MANBA: variants seen among roughly 807,000 people sequenced by gnomAD.
MANBA encodes mannosidase beta, also known as beta-mannosidase.
In MANBA, 83 loss-of-function variants were observed where a neutral mutation model predicts 111.1. The ratio of observed to expected loss-of-function variants is 0.75; its 90% confidence interval spans 0.63 to 0.90. The LOEUF is 0.90. Ranked by LOEUF, MANBA falls within the 40% of genes least tolerant of loss-of-function variation. MANBA has a pLI of 0.00. For synonymous variants in MANBA, 370 were observed against 378.7 expected, an observed-to-expected ratio of 0.98 and a Z score of 0.27; for missense variants, 1,036 against 1,069.0, an observed-to-expected ratio of 0.97 and a Z score of 0.43.
intron 12 of MANBA, among the ~76,000 whole-genome samples, chr4:102,654,440 A>T (rs892196055): frequency 4.6e-5 from 7 of 152,246 alleles, no homozygotes; most frequent in Admixed American, 4.6e-4. Flanking sequence ...TAAGGTTATG[A>T]CATCATTAAA....
At chr4:102,670,042 C>G (rs1731421441) in intron 9 of MANBA, among the ~76,000 whole-genome samples, 1 of 151,484 alleles carries the variant, frequency 6.6e-6, no homozygotes, top group Non-Finnish European at 1.5e-5. Context: ...GTAATCCCAG[C>G]TACTTGGTAG....
rs1427491606 is a variant in MANBA, at chr4:102,739,662, C to T, written c.178-12979G>A. Among the ~76,000 whole-genome samples, 5 of 152,268 alleles carry T rather than the reference C, an allele frequency of 3.3e-5. No homozygotes were observed. In the South Asian group the frequency reaches 1.0e-3, roughly 32 times the overall value. ...CATATGCAAGTCAATAAATGTGATA[C>T]ACCACATAAAAAAGAATTAAAAACA... On this transcript the variant is annotated intron_variant, in intron 1 of 16. Transcript: ENST00000647097.
chr4:102,698,900 A>G (rs887227951), intron 5 of MANBA, among the ~76,000 whole-genome samples: 5 of 152,256 alleles, frequency 3.3e-5, no homozygotes, highest in Admixed American at 3.3e-4. Context: ...GAGGAAAGTC[A>G]TTGGTAGCTT....
At chr4:102,728,244 C>A (rs1212823147) in intron 1 of MANBA, 2 of 536,636 alleles carry the variant, frequency 3.7e-6, no homozygotes, top group Admixed American at 1.9e-5. Context: ...GCAGCATTCT[C>A]CACAAATGCC....
chr4:102,700,890 C>T (rs925423554), intron 5 of MANBA, among the ~76,000 whole-genome samples: 2 of 152,096 alleles, frequency 1.3e-5, no homozygotes, highest in East Asian at 3.8e-4. Context: ...TGGTGCAGAG[C>T]TGAGTTCAAT....
chr4:102,744,259 A>C (rs1007235167), intron 1 of MANBA, among the ~76,000 whole-genome samples: 1 of 152,128 alleles, frequency 6.6e-6, no homozygotes, highest in Non-Finnish European at 1.5e-5. Context: ...ATACCACTGG[A>C]CCCCTAGAAA....
intron 10 of MANBA, chr4:102,666,132 T>C (rs970090154): frequency 1.3e-5 from 2 of 152,258 alleles, no homozygotes; most frequent in African/African-American, 4.8e-5. Flanking sequence ...AGTAGCACCG[T>C]GTTACACACA....
At chr4:102,760,419 CG>C (rs1268204787) in intron 1 of MANBA, among the ~76,000 whole-genome samples, 1 of 152,168 alleles carries the variant, frequency 6.6e-6, no homozygotes, top group Admixed American at 6.5e-5. Context: ...TTTGTATACA[CG>C]CTTCAGTAGA....
chr4:102,634,673 TA>T, intron 16 of MANBA, 114 bp downstream of exon 16: 1 of 1,410,350 alleles, frequency 7.1e-7, no homozygotes, highest in Non-Finnish European at 1.0e-6. Context: ...AGGCCTCAGG[TA>T]AACTCAGCAC....
chr4:102,731,656 T>G lies in MANBA; in HGVS notation c.178-4973A>C, dbSNP rs114962394. On this transcript the variant is annotated intron_variant, in intron 1 of 16. Coordinates refer to ENST00000647097, the MANE Select transcript of MANBA (RefSeq NM_005908.4). ...TTTACTAGAGCACAGCCATGCCCTT[T>G]CCTTTGCAATTTACATATGGCTGCT... is the stretch of plus-strand genomic sequence containing the variant. Among the ~76,000 whole-genome samples the G allele has an allele frequency of 5.1e-3, 782 of 152,308 alleles. 11 individuals are homozygous for G. Among genetic ancestry groups the G allele is most frequent in the African/African-American group, 0.018 (750 of 41,564 alleles).
intron 12 of MANBA, among the ~76,000 whole-genome samples, chr4:102,652,210 C>T (rs892166200): frequency 1.3e-5 from 2 of 152,174 alleles, no homozygotes; most frequent in African/African-American, 4.8e-5. Context: ...TCCCATCTAG[C>T]TATACTTTTG....
intron 1 of MANBA, among the ~76,000 whole-genome samples, chr4:102,730,987 T>A (rs115989473): frequency 0.027 from 4,077 of 151,852 alleles, 174 homozygotes; most frequent in African/African-American, 0.089. Flanking sequence ...CTTCTATATT[T>A]AAAAAAATAT....
At chr4:102,707,174 G>C (rs1201200336) in intron 5 of MANBA, among the ~76,000 whole-genome samples, 1 of 152,092 alleles carries the variant, frequency 6.6e-6, no homozygotes, top group Non-Finnish European at 1.5e-5. Flanking sequence ...TCTAAAATCA[G>C]CAAGAGAAAA....
At chr4:102,705,714 C>T (rs1282818290) in intron 5 of MANBA, among the ~76,000 whole-genome samples, 2 of 152,166 alleles carry the variant, frequency 1.3e-5, no homozygotes, top group South Asian at 2.1e-4. Context: ...TGCCTGCCTA[C>T]CACAGCCAGC....
chr4:102,651,012 C>T (rs1730310337), intron 12 of MANBA, among the ~76,000 whole-genome samples: 1 of 151,870 alleles, frequency 6.6e-6, no homozygotes, highest in African/African-American at 2.4e-5. Context: ...TTTGAAACAT[C>T]CACTATATGT....
At chr4:102,650,465 G>T in intron 13 of MANBA, 72 bp downstream of exon 13, 1 of 1,435,768 alleles carries the variant, frequency 7.0e-7, no homozygotes, top group Non-Finnish European at 9.8e-7. Context: ...ACCATATATG[G>T]CCTACAAAAT....
chr4:102,672,501 T>G (rs1222998543), intron 8 of MANBA, among the ~76,000 whole-genome samples: 1 of 152,212 alleles, frequency 6.6e-6, no homozygotes, highest in Non-Finnish European at 1.5e-5. Context: ...TAAATTGTAT[T>G]GTGTATATTT....
At chr4:102,740,340 A>G (rs1723357511) in intron 1 of MANBA, among the ~76,000 whole-genome samples, 1 of 152,214 alleles carries the variant, frequency 6.6e-6, no homozygotes, top group Non-Finnish European at 1.5e-5. Context: ...TGAATGGATA[A>G]AATCAATATT....
Position 102,690,361 on chromosome 4 carries a change from A to C in MANBA, c.849+235T>G, listed in dbSNP as rs561845959. 1.3e-4 allele frequency among the ~76,000 whole-genome samples: 20 copies of C among 152,300 alleles called. No homozygotes were observed. In the South Asian group the frequency reaches 3.9e-3, roughly 30 times the overall value. ...ACAATGATAAAAATAAAATGAGAGAAAGAATTGCCAAATTAATAATATATT... is the reference window on the plus strand; with the variant it reads ...ACAATGATAAAAATAAAATGAGAGACAGAATTGCCAAATTAATAATATATT... On this transcript the variant is annotated intron_variant, in intron 6 of 16. Coordinates refer to ENST00000647097, the MANE Select transcript of MANBA (RefSeq NM_005908.4).
Sources: allele counts gnomAD v4.1 joint callset (sites outside exome capture counted in the v4.1 genomes callset), GRCh38; gene constraint gnomAD v4.1.1; transcripts MANE v1.5; gene names NCBI Gene and HGNC (gene_info 2026-07-23, HGNC 2026-07-21).